FGD4: variants seen among roughly 807,000 people sequenced by gnomAD.
FGD4 encodes the protein FYVE, RhoGEF and PH domain-containing protein 4.
A neutral mutation model predicts 102.0 loss-of-function variants in FGD4; 42 were observed. The observed-to-expected ratio is 0.41, with a 90% CI of 0.32 to 0.53. The LOEUF (loss-of-function observed/expected upper bound fraction) is 0.53. FGD4 is among the 20% of genes least tolerant of loss of function. The probability of loss-of-function intolerance (pLI) is 0.21; values close to 1 mark genes in which losing one functional copy is unlikely to be tolerated. For missense variants in FGD4, 902 were observed against 1,078.2 expected (o/e 0.84, Z 2.29); for synonymous variants, 380 against 375.7 (o/e 1.01, Z -0.13).
chr12:32,484,857 G>A (rs1420990964), intron 1 of FGD4, among the ~76,000 whole-genome samples: 1 of 152,040 alleles, frequency 6.6e-6, no homozygotes, highest in Admixed American at 6.6e-5. Context: ...GGGTGACAGA[G>A]GGATACTCTG....
chr12:32,450,405 A>G lies in FGD4; in HGVS notation c.166+50446A>G, dbSNP rs529557407. ...TTTTTATCACACTTTAAGTTTATTC[A>G]TTTATATCAGTGTGTAGTCACCATT... is the stretch of plus-strand genomic sequence containing the variant. On this transcript the variant is annotated intron_variant, in intron 1 of 16. Transcript: ENST00000534526. Among the ~76,000 whole-genome samples the G allele has an allele frequency of 3.9e-5, 6 of 152,138 alleles. No homozygotes were observed. In the East Asian group the frequency reaches 7.7e-4, roughly 20 times the overall value.
In FGD4 at chr12:32,450,096, C is replaced by T. The variant is rs547484443; in HGVS notation, c.166+50137C>T. Among the ~76,000 whole-genome samples, 6 of 152,128 alleles carry T rather than the reference C, an allele frequency of 3.9e-5. No individual in the cohort carries two copies. In the East Asian group the frequency reaches 7.7e-4, roughly 20 times the overall value. Reference sequence around the variant, plus strand: ...TACAGGCACGTGCTACCATGCCTGGCTAATTTTTGTATTTTTAGTAGTGAC... The same window carrying T: ...TACAGGCACGTGCTACCATGCCTGGTTAATTTTTGTATTTTTAGTAGTGAC... On this transcript the variant is annotated intron_variant, in intron 1 of 16. Coordinates refer to ENST00000534526, the MANE Select transcript of FGD4 (RefSeq NM_001370298.3).
chr12:32,623,621 A>G (rs1192581824), intron 11 of FGD4, among the ~76,000 whole-genome samples: 1 of 152,168 alleles, frequency 6.6e-6, no homozygotes, highest in Non-Finnish European at 1.5e-5. Flanking sequence ...AAACAGACAG[A>G]GCACACTCTG....
At chr12:32,418,123 A>AT (rs1255734397) in intron 1 of FGD4, among the ~76,000 whole-genome samples, 1 of 151,424 alleles carries the variant, frequency 6.6e-6, no homozygotes, top group East Asian at 2.0e-4. Context: ...CGCCCGGCTA[A>AT]TTTTTTGTAT....
intron 14 of FGD4, 116 bp downstream of exon 14, chr12:32,625,895 T>A: frequency 6.3e-6 from 9 of 1,427,336 alleles, no homozygotes; most frequent in Non-Finnish European, 8.8e-6. Flanking sequence ...AAATTTATTT[T>A]GGTGCCAATT....
intron 1 of FGD4, among the ~76,000 whole-genome samples, chr12:32,469,700 C>T (rs1180138123): frequency 6.6e-6 from 1 of 151,468 alleles, no homozygotes; most frequent in African/African-American, 2.4e-5. Flanking sequence ...GCTCTTGTTG[C>T]CCAGGCTGGA....
At chr12:32,401,701 A>AAGGTG (rs1940668519) in intron 1 of FGD4, among the ~76,000 whole-genome samples, 1 of 148,932 alleles carries the variant, frequency 6.7e-6, no homozygotes, top group African/African-American at 2.5e-5. Context: ...TCTGTAAGGT[A>AAGGTG]GCTCTGCTTT....
chr12:32,584,748 A>G (rs1460192821), intron 4 of FGD4, among the ~76,000 whole-genome samples: 1 of 152,170 alleles, frequency 6.6e-6, no homozygotes, highest in East Asian at 1.9e-4. Flanking sequence ...TCTAAGATAT[A>G]ATGGAATATT....
At chr12:32,492,712 G>A (rs1444406479) in intron 1 of FGD4, among the ~76,000 whole-genome samples, 1 of 152,148 alleles carries the variant, frequency 6.6e-6, no homozygotes, top group South Asian at 2.1e-4. Flanking sequence ...GATGGGAAAA[G>A]ATATCATCAG....
At chr12:32,509,995 A>C (rs1369596575) in intron 1 of FGD4, among the ~76,000 whole-genome samples, 2 of 152,252 alleles carry the variant, frequency 1.3e-5, no homozygotes, top group East Asian at 3.8e-4. Flanking sequence ...AGCTTTGGTC[A>C]TTGATTACCT....
intron 11 of FGD4, among the ~76,000 whole-genome samples, chr12:32,623,811 A>C (rs910703026): frequency 6.6e-6 from 1 of 152,262 alleles, no homozygotes; most frequent in Non-Finnish European, 1.5e-5. Context: ...TTTGTTTTCT[A>C]AGGATGATTA....
chr12:32,606,591 G>T (rs1420346349), intron 7 of FGD4, among the ~76,000 whole-genome samples: 1 of 151,390 alleles, frequency 6.6e-6, no homozygotes, highest in Non-Finnish European at 1.5e-5. Context: ...TTTTTCTTCA[G>T]AGCCTGTACT....
At chr12:32,571,743 C>T (rs1248472363) in intron 2 of FGD4, among the ~76,000 whole-genome samples, 2 of 152,042 alleles carry the variant, frequency 1.3e-5, no homozygotes, top group Non-Finnish European at 2.9e-5. Context: ...GGGATTTTGC[C>T]AAGTGGACCA....
chr12:32,426,674 G>A (rs1487343518), intron 1 of FGD4, among the ~76,000 whole-genome samples: 1 of 152,134 alleles, frequency 6.6e-6, no homozygotes, highest in Non-Finnish European at 1.5e-5. Context: ...GTAGAGTTCA[G>A]CTGTGACTCT....
chr12:32,563,764 C>T (rs879242522), intron 1 of FGD4, among the ~76,000 whole-genome samples: 1 of 152,140 alleles, frequency 6.6e-6, no homozygotes, highest in Non-Finnish European at 1.5e-5. Context: ...CTCGGGAGGC[C>T]GAGGCTGGCG....
Position 32,582,130 on chromosome 12 carries a change from G to C in FGD4, c.674G>C (p.Cys225Ser). 1 of 1,614,234 alleles carries C rather than the reference G, an allele frequency of 6.2e-7. No individual in the cohort carries two copies. Among genetic ancestry groups the C allele is most frequent in the Non-Finnish European group, 8.5e-7 (1 of 1,180,048 alleles). ...DTDKTQGAQT[C>S]VANGVMAAQN... ...GATAAGACTCAGGGTGCACAGACTT[G>C]TGTGGCCAACGGTGTAATGGCAGCA... is the stretch of plus-strand genomic sequence containing the variant. The change falls in exon 4 of 17, where the codon TGT becomes TCT. Residue 225 changes from cysteine to serine, a missense_variant. Cys to Ser is a moderately radical substitution (Grantham distance 112). Around this residue, in one of 2 missense-constraint regions of FGD4, gnomAD observed 443 missense variants for 459.2 expected, o/e 0.96. Coordinates refer to ENST00000534526, the MANE Select transcript of FGD4 (RefSeq NM_001370298.3).
intron 2 of FGD4, among the ~76,000 whole-genome samples, chr12:32,571,212 T>C (rs1592259953): frequency 6.6e-6 from 1 of 152,254 alleles, no homozygotes; most frequent in East Asian, 1.9e-4. Context: ...CCTTGCACTT[T>C]GGGAGGCTGA....
rs1389723879 is a variant in FGD4, at chr12:32,544,078, G to T, written c.167-20059G>T. ...CTTCATACTTTGCACAGAAGTATTT[G>T]CTGTGACTTAAACAAGAGTCACATG... is the stretch of plus-strand genomic sequence containing the variant. On this transcript the variant is annotated intron_variant, in intron 1 of 16. Transcript: ENST00000534526. This position sits in a 1 kb window ranked among gnomAD's most constrained non-coding sequence, Gnocchi z 4.1. Among the ~76,000 whole-genome samples, 2 of 152,132 alleles carry T rather than the reference G, an allele frequency of 1.3e-5. No individual in the cohort carries two copies. The highest frequency in any genetic ancestry group is 2.9e-5 in the Non-Finnish European group (2 of 68,036).
chr12:32,410,698 G>T (rs1344145825), intron 1 of FGD4, among the ~76,000 whole-genome samples: 2 of 152,046 alleles, frequency 1.3e-5, no homozygotes, highest in East Asian at 3.9e-4. Context: ...CCGTTCATTG[G>T]AATTAAACTG....
Sources: allele counts gnomAD v4.1 joint callset (sites outside exome capture counted in the v4.1 genomes callset), GRCh38; gene constraint gnomAD v4.1.1; regional missense constraint gnomAD v4.1.1; non-coding constraint Gnocchi (gnomAD v3.1); transcripts MANE v1.5; gene names NCBI Gene and HGNC (gene_info 2026-07-23, HGNC 2026-07-21).